Variants in RHOJ observed in about 807,000 individuals in gnomAD.
The protein encoded by RHOJ is ras homolog family member J.
A neutral mutation model predicts 23.4 loss-of-function variants in RHOJ; 11 were observed. That is an observed-to-expected ratio of 0.47 (90% CI 0.30 to 0.78). The LOEUF (loss-of-function observed/expected upper bound fraction) is 0.78. Among genes scored for constraint, RHOJ ranks in the 30% least tolerant of loss-of-function variants. The pLI is 0.08. For missense variants in RHOJ, 254 were observed against 273.4 expected (o/e 0.93, Z 0.50); for synonymous variants, 102 against 102.7 (o/e 0.99, Z 0.04).
At chr14:63,224,891 C>A (rs138711945) in intron 1 of RHOJ, among the ~76,000 whole-genome samples, 1 of 151,898 alleles carries the variant, frequency 6.6e-6, no homozygotes, top group East Asian at 1.9e-4. Context: ...GGTCAATCTT[C>A]AAGGAAAGCC....
intron 1 of RHOJ, among the ~76,000 whole-genome samples, chr14:63,219,309 T>C (rs1894432646): frequency 1.3e-5 from 2 of 152,148 alleles, no homozygotes; most frequent in Non-Finnish European, 2.9e-5. Flanking sequence ...AAGTTAGCAT[T>C]TTTCGACTTC....
At chr14:63,213,948 C>A (rs1407019741) in intron 1 of RHOJ, among the ~76,000 whole-genome samples, 1 of 152,182 alleles carries the variant, frequency 6.6e-6, no homozygotes, top group Admixed American at 6.6e-5. Flanking sequence ...CACACATTAT[C>A]ACAAGGAAGG....
In RHOJ at chr14:63,220,237, C is replaced by A. The variant is rs996611945; in HGVS notation, c.178+15190C>A. ...TCTTCAAGGACAAGGTTTTTTTAAT[C>A]CCCATTCTTTGTTCTGCTAGGATTC... On this transcript the variant is annotated intron_variant, in intron 1 of 4. Coordinates refer to ENST00000316754, the MANE Select transcript of RHOJ (RefSeq NM_020663.5). 3.3e-5 allele frequency among the ~76,000 whole-genome samples: 5 copies of A among 151,888 alleles called. No homozygotes were observed. In the East Asian group the frequency reaches 9.7e-4, roughly 29 times the overall value.
intron 1 of RHOJ, among the ~76,000 whole-genome samples, chr14:63,249,855 C>G (rs1265314869): frequency 2.6e-5 from 4 of 152,156 alleles, no homozygotes; most frequent in African/African-American, 9.7e-5. Flanking sequence ...AGGGTGCAAC[C>G]AAGGTTAAGA....
chr14:63,266,928 G>A (rs930356720), intron 1 of RHOJ, among the ~76,000 whole-genome samples: 1 of 152,158 alleles, frequency 6.6e-6, no homozygotes. Context: ...TGTGTGTGCA[G>A]ACATATGCAC....
chr14:63,283,079 C>A, intron 3 of RHOJ, 42 bp from the exon 4 acceptor site: 1 of 1,457,376 alleles, frequency 6.9e-7, no homozygotes, highest in Non-Finnish European at 9.6e-7. Flanking sequence ...TCTGGCAAGG[C>A]CTGAGAAAAC....
At chr14:63,237,481 G>A (rs536812554) in intron 1 of RHOJ, among the ~76,000 whole-genome samples, 8 of 152,120 alleles carry the variant, frequency 5.3e-5, no homozygotes, top group Non-Finnish European at 8.8e-5. Context: ...AAAAGTGTCT[G>A]CTCTTGAAAG....
chr14:63,276,213 G>T (rs572994922), intron 2 of RHOJ, among the ~76,000 whole-genome samples: 8 of 152,088 alleles, frequency 5.3e-5, no homozygotes, highest in Non-Finnish European at 8.8e-5. Flanking sequence ...GCTTCGGTGG[G>T]GGGGGGCGGG....
At chr14:63,232,950 C>G (rs545889633) in intron 1 of RHOJ, among the ~76,000 whole-genome samples, 1 of 152,170 alleles carries the variant, frequency 6.6e-6, no homozygotes, top group Admixed American at 6.5e-5. Context: ...CCTGTCTCGG[C>G]CTCCCAAAGT....
intron 1 of RHOJ, among the ~76,000 whole-genome samples, chr14:63,262,861 A>C (rs1895295866): frequency 6.6e-6 from 1 of 152,262 alleles, no homozygotes; most frequent in Non-Finnish European, 1.5e-5. Context: ...AATATCAGAC[A>C]GATCTAAATA....
intron 1 of RHOJ, among the ~76,000 whole-genome samples, chr14:63,259,845 C>T (rs369596841): frequency 2.6e-5 from 4 of 151,768 alleles, no homozygotes; most frequent in Non-Finnish European, 4.4e-5. Flanking sequence ...TTCTGGCTGG[C>T]GATATTAGAA....
At chr14:63,205,406 A>G (rs568624119) in intron 1 of RHOJ, among the ~76,000 whole-genome samples, 1 of 152,106 alleles carries the variant, frequency 6.6e-6, no homozygotes, top group East Asian at 1.9e-4. Context: ...TTTTCTGCCA[A>G]AAAAAAAGAA....
At chr14:63,214,916 C>A (rs1074094) in intron 1 of RHOJ, among the ~76,000 whole-genome samples, 1 of 152,016 alleles carries the variant, frequency 6.6e-6, no homozygotes, top group South Asian at 2.1e-4. Context: ...AGAGGGGTCA[C>A]TGAGGGAAAT....
chr14:63,258,911 T>C (rs1208593700), intron 1 of RHOJ, among the ~76,000 whole-genome samples: 1 of 152,240 alleles, frequency 6.6e-6, no homozygotes, highest in African/African-American at 2.4e-5. Flanking sequence ...ACCACATGGT[T>C]CCCATTTATA....
intron 1 of RHOJ, among the ~76,000 whole-genome samples, chr14:63,210,015 A>G (rs922023712): frequency 6.9e-6 from 1 of 144,174 alleles, no homozygotes; most frequent in Non-Finnish European, 1.5e-5. Flanking sequence ...GCTAGAGTGC[A>G]GTGGCACAAT....
At chr14:63,270,193 T>C (rs1000284661) in intron 2 of RHOJ, among the ~76,000 whole-genome samples, 3 of 144,728 alleles carry the variant, frequency 2.1e-5, no homozygotes, top group African/African-American at 8.1e-5. Flanking sequence ...TTTTCACAAT[T>C]GTTTGGATAT....
chr14:63,204,943 T>A lies in RHOJ; in HGVS notation c.74T>A (p.Val25Glu), dbSNP rs537123240. The part of the protein sequence containing the change: ...GNDEKKMLKC[V>E]VVGDGAVGKT... ...GACGAGAAGAAGATGTTGAAGTGTG[T>A]GGTGGTGGGGGACGGTGCCGTGGGG... is the stretch of plus-strand genomic sequence containing the variant. Residue 25 changes from valine (V) to glutamate (E), a missense_variant, in exon 1 of 5, where the codon GTG (valine) becomes GAG (glutamate). Physicochemically the swap from Val to Glu is moderately radical, Grantham distance 121. Transcript: ENST00000316754. 2 of 1,614,052 alleles carry A rather than the reference T, an allele frequency of 1.2e-6. No individual in the cohort carries two copies. The highest frequency in any genetic ancestry group is 1.7e-6 in the Non-Finnish European group (2 of 1,179,996).
At chr14:63,241,580 C>G (rs916299294) in intron 1 of RHOJ, among the ~76,000 whole-genome samples, 4 of 152,076 alleles carry the variant, frequency 2.6e-5, no homozygotes, top group African/African-American at 9.7e-5. Context: ...CTTTCTGCAG[C>G]CTTGCAGATG....
rs572815577 is a variant in RHOJ, at chr14:63,231,831, T to C, written c.178+26784T>C. 2.0e-5 allele frequency among the ~76,000 whole-genome samples: 3 copies of C among 152,346 alleles called. No individual in the cohort carries two copies. In the East Asian group the frequency reaches 5.8e-4, roughly 29 times the overall value. On this transcript the variant is annotated intron_variant, in intron 1 of 4. Coordinates refer to ENST00000316754, the MANE Select transcript of RHOJ (RefSeq NM_020663.5). ...ACTTGATACAACTTTTTTTGTCCTT[T>C]TGTAATATCTCATCTCATAGACTAT... is the stretch of plus-strand genomic sequence containing the variant.
Sources: gnomAD v4.1 joint callset for allele counts (sites outside exome capture counted in the v4.1 genomes callset) on GRCh38, gnomAD v4.1.1 for gene constraint, MANE v1.5 for transcripts, NCBI Gene and HGNC (gene_info 2026-07-23, HGNC 2026-07-21) for gene names.